The following VRK2 variants were observed in gnomAD, a reference collection of about 807,000 sequenced individuals.
The protein encoded by VRK2 is serine/threonine-protein kinase VRK2.
A neutral mutation model predicts 57.6 loss-of-function variants in VRK2; 60 were observed. The ratio of observed to expected loss-of-function variants is 1.04; its 90% CI spans 0.85 to 1.29. The LOEUF (loss-of-function observed/expected upper bound fraction) is 1.29. Among genes scored for constraint, VRK2 ranks in the 50% most tolerant of loss-of-function variants. VRK2 has a pLI of 0.00. For synonymous variants in VRK2, 231 were observed against 199.2 expected (o/e 1.16, Z -1.35); for missense variants, 705 against 588.1 (o/e 1.20, Z -2.06).
intron 8 of VRK2, among the ~76,000 whole-genome samples, chr2:58,124,838 CA>C (rs1354860783): frequency 3.9e-5 from 6 of 152,058 alleles, no homozygotes; most frequent in Admixed American, 2.6e-4. Context: ...GAAATGACTA[CA>C]TTTTTTTTCA....
At chr2:58,138,108 ACT>A (rs1680810082) in intron 10 of VRK2, among the ~76,000 whole-genome samples, 2 of 152,096 alleles carry the variant, frequency 1.3e-5, no homozygotes, top group South Asian at 2.1e-4. Context: ...AGCACATTCA[ACT>A]CTCTTCCTCA....
At chr2:58,144,861 T>G (rs150535561) in intron 11 of VRK2, among the ~76,000 whole-genome samples, 7 of 152,104 alleles carry the variant, frequency 4.6e-5, no homozygotes, top group East Asian at 1.9e-4. Flanking sequence ...TAGAGTGGTG[T>G]TGTGACAATT....
chr2:57,923,228 A>C (rs1670413626), intron 1 of VRK2, among the ~76,000 whole-genome samples: 1 of 151,954 alleles, frequency 6.6e-6, no homozygotes, highest in Non-Finnish European at 1.5e-5. Flanking sequence ...ATTCTTTGGG[A>C]TATATACCTA....
chr2:58,130,022 A>G (rs1187415927), intron 8 of VRK2, among the ~76,000 whole-genome samples: 1 of 152,212 alleles, frequency 6.6e-6, no homozygotes, highest in Non-Finnish European at 1.5e-5. Flanking sequence ...TCAAAGGGCT[A>G]TTTCAAATGA....
chr2:58,131,136 G>A (rs973364770), intron 8 of VRK2, among the ~76,000 whole-genome samples: 6 of 151,676 alleles, frequency 4.0e-5, no homozygotes, highest in Non-Finnish European at 5.9e-5. Flanking sequence ...CATTGCCTCC[G>A]TTTTATATAG....
chr2:58,034,806 A>T (rs1017817700), intron 3 of VRK2, among the ~76,000 whole-genome samples: 3 of 151,862 alleles, frequency 2.0e-5, no homozygotes, highest in African/African-American at 7.3e-5. Context: ...AAAAAACTTC[A>T]CTTATTCCTT....
chr2:58,099,016 C>T (rs1280533145), intron 7 of VRK2, among the ~76,000 whole-genome samples: 1 of 151,782 alleles, frequency 6.6e-6, no homozygotes, highest in South Asian at 2.1e-4. Context: ...TGGTGTTGCA[C>T]AATCGATAAC....
At chr2:58,095,150 C>T (rs1573066925) in intron 7 of VRK2, among the ~76,000 whole-genome samples, 4 of 151,924 alleles carry the variant, frequency 2.6e-5, no homozygotes, top group Admixed American at 2.6e-4. Context: ...AAAAATTATC[C>T]GGGCGTGGTG....
chr2:58,103,618 C>CA (rs1372231184), intron 7 of VRK2, among the ~76,000 whole-genome samples: 3 of 151,154 alleles, frequency 2.0e-5, no homozygotes, highest in African/African-American at 7.3e-5. Flanking sequence ...TCTTAACAAA[C>CA]AAAAAAAGCC....
chr2:57,921,286 G>GCA (rs34924125), intron 1 of VRK2, among the ~76,000 whole-genome samples: 5,439 of 148,104 alleles, frequency 0.037, 272 homozygotes, highest in African/African-American at 0.12. Context: ...TCTTAAGCGC[G>GCA]CACACACACA....
intron 7 of VRK2, among the ~76,000 whole-genome samples, chr2:58,090,194 G>C (rs1325990966): frequency 6.6e-6 from 1 of 150,758 alleles, no homozygotes; most frequent in Admixed American, 6.6e-5. Context: ...ACAGGAGTTT[G>C]AGACCAGCCT....
rs190486520 is a variant in VRK2 at position 57,937,164 on chromosome 2, G to C, written c.-439+29325G>C. 1.9e-3 allele frequency among the ~76,000 whole-genome samples: 291 copies of C among 152,278 alleles called. 1 individual carries two copies. Among genetic ancestry groups the C allele is most frequent in the Non-Finnish European group, 3.4e-3 (234 of 68,018 alleles). The stretch of plus-strand genomic sequence containing the variant: ...AGACCAATTCAGAAGCAATAGAAAT[G>C]AACACATGCTATGAAATCTTTTAAT... On this transcript the variant is annotated intron_variant, in intron 1 of 15. Coordinates refer to the VRK2 transcript ENST00000417641.
intron 7 of VRK2, among the ~76,000 whole-genome samples, chr2:58,114,580 T>C (rs1313141612): frequency 6.6e-6 from 1 of 152,162 alleles, no homozygotes; most frequent in African/African-American, 2.4e-5. Flanking sequence ...GTAAAAGTAT[T>C]GTCCAGTCCT....
At chr2:58,133,932 A>G (rs1004651772) in intron 9 of VRK2, among the ~76,000 whole-genome samples, 3 of 152,146 alleles carry the variant, frequency 2.0e-5, no homozygotes, top group African/African-American at 7.2e-5. Context: ...TGCATACATA[A>G]ACTTTGAGTT....
chr2:57,985,015 T>C (rs1048064470), intron 1 of VRK2, among the ~76,000 whole-genome samples: 20 of 152,018 alleles, frequency 1.3e-4, no homozygotes, highest in African/African-American at 4.6e-4. Context: ...CATTAAGTCA[T>C]TACGCAAATT....
At chr2:57,915,232 T>C (rs1670107920) in intron 1 of VRK2, among the ~76,000 whole-genome samples, 1 of 152,234 alleles carries the variant, frequency 6.6e-6, no homozygotes, top group South Asian at 2.1e-4. Flanking sequence ...TTAATGTGAG[T>C]TCTGGTTATC....
chr2:57,947,424 T>C (rs1210336847), intron 1 of VRK2, among the ~76,000 whole-genome samples: 1 of 152,166 alleles, frequency 6.6e-6, no homozygotes, highest in East Asian at 1.9e-4. Flanking sequence ...TCTAGGAACA[T>C]GTTTCATGAA....
chr2:58,150,955 G>T (rs778355903), intron 12 of VRK2, among the ~76,000 whole-genome samples: 12 of 151,110 alleles, frequency 7.9e-5, no homozygotes, highest in Non-Finnish European at 1.3e-4. Context: ...TTTTGTTATT[G>T]ATTTCTAATT....
intron 2 of VRK2, among the ~76,000 whole-genome samples, chr2:58,060,266 T>C (rs565681173): frequency 6.6e-6 from 1 of 151,992 alleles, no homozygotes; most frequent in East Asian, 1.9e-4. Context: ...ATAATCAGAA[T>C]GTCTACTCTA....
Sources: gnomAD v4.1 joint callset for allele counts (sites outside exome capture counted in the v4.1 genomes callset) on GRCh38, gnomAD v4.1.1 for gene constraint, MANE v1.5 for transcripts, NCBI Gene and HGNC (gene_info 2026-07-23, HGNC 2026-07-21) for gene names.